The following CLIC5 variants were observed in gnomAD, a reference collection of about 807,000 sequenced individuals.
The protein encoded by CLIC5 is chloride intracellular channel protein 5.
CLIC5 carries 20 observed loss-of-function variants against 24.7 expected under a neutral mutation model. The ratio of observed to expected loss-of-function variants is 0.81; its 90% CI spans 0.57 to 1.18. The LOEUF (loss-of-function observed/expected upper bound fraction) is 1.18, where lower values mean the gene tolerates loss of function less well. Among genes scored for constraint, CLIC5 ranks in the 50% most tolerant of loss-of-function variants. The pLI is 0.00. For missense variants in CLIC5, 341 were observed against 326.1 expected, an observed-to-expected ratio of 1.05 and a Z score of -0.35; for synonymous variants, 159 against 135.6, an observed-to-expected ratio of 1.17 and a Z score of -1.20.
At chr6:46,016,398 G>A (rs968531092), upstream of CLIC5, among the ~76,000 whole-genome samples, 4 of 152,134 alleles carry the variant, frequency 2.6e-5, no homozygotes, top group Admixed American at 2.6e-4. Flanking sequence ...TAAGCAAAAG[G>A]AGAGTAGGGT....
intron 1 of CLIC5, among the ~76,000 whole-genome samples, chr6:46,043,394 C>A (rs1296819806): frequency 2.0e-5 from 3 of 152,148 alleles, no homozygotes; most frequent in Admixed American, 6.5e-5. Context: ...AGGTTAATGT[C>A]TTCATTTGCT....
At chr6:45,941,505 T>C (rs753289140) in intron 4 of CLIC5, 42 bp downstream of exon 4, 5 of 1,450,696 alleles carry the variant, frequency 3.4e-6, no homozygotes, top group Non-Finnish European at 4.8e-6. Flanking sequence ...GGGCAGCAGA[T>C]AGACCACTGC....
Position 45,957,108 on chromosome 6 carries a change from A to T in CLIC5, c.64-1864T>A, listed in dbSNP as rs141394270. Among the ~76,000 whole-genome samples, 1,069 of 152,286 alleles carry T rather than the reference A, an allele frequency of 7.0e-3. 10 individuals are homozygous for T. Among genetic ancestry groups the T allele is most frequent in the Non-Finnish European group, 9.8e-3 (668 of 68,032 alleles). On this transcript the variant is annotated intron_variant, in intron 1 of 5. Transcript: ENST00000339561. ...GTAACAAGAGGAGAACTGAAGAAAAAAGCAAAAACAAAAACAGAAGCCAGA... is the reference window on the plus strand; with the variant it reads ...GTAACAAGAGGAGAACTGAAGAAAATAGCAAAAACAAAAACAGAAGCCAGA...
At chr6:46,057,795 G>A (rs377632279) in intron 1 of CLIC5, among the ~76,000 whole-genome samples, 9 of 152,176 alleles carry the variant, frequency 5.9e-5, no homozygotes, top group African/African-American at 2.2e-4. Flanking sequence ...GTGGTGTTTA[G>A]AGCAGTTTGT....
At chr6:46,055,059 A>T (rs997881159) in intron 1 of CLIC5, among the ~76,000 whole-genome samples, 1 of 152,150 alleles carries the variant, frequency 6.6e-6, no homozygotes, top group Non-Finnish European at 1.5e-5. Flanking sequence ...TGACAATCTC[A>T]TCTTCTAAAT....
intron 1 of CLIC5, among the ~76,000 whole-genome samples, chr6:46,065,843 A>T (rs1282504348): frequency 6.6e-6 from 1 of 152,204 alleles, no homozygotes; most frequent in Admixed American, 6.5e-5. Context: ...TGATGGTTAG[A>T]TGACTGTATA....
intron 1 of CLIC5, among the ~76,000 whole-genome samples, chr6:45,969,188 A>T (rs938001954): frequency 6.6e-6 from 1 of 152,172 alleles, no homozygotes; most frequent in Admixed American, 6.5e-5. Context: ...TGCCGAGAGG[A>T]TGAAAGAGCT....
At chr6:45,994,877 G>A (rs1766073510) in intron 1 of CLIC5, among the ~76,000 whole-genome samples, 1 of 152,048 alleles carries the variant, frequency 6.6e-6, no homozygotes, top group Non-Finnish European at 1.5e-5. Context: ...TCTCTCACCA[G>A]AAAATAATTA....
chr6:46,110,466 A>C, the CLIC5 span, among the ~76,000 whole-genome samples: 1 of 152,208 alleles, frequency 6.6e-6, no homozygotes, highest in Non-Finnish European at 1.5e-5. Flanking sequence ...TTCAATAAGA[A>C]TCTGTTTTCT....
intron 2 of CLIC5, among the ~76,000 whole-genome samples, chr6:45,952,377 C>T (rs1414661456): frequency 1.3e-5 from 2 of 152,188 alleles, no homozygotes; most frequent in East Asian, 3.8e-4. Context: ...TTGCCAGCTC[C>T]ATGAACCCAG....
At chr6:45,971,599 G>A (rs965840426) in intron 1 of CLIC5, among the ~76,000 whole-genome samples, 1 of 152,176 alleles carries the variant, frequency 6.6e-6, no homozygotes, top group East Asian at 1.9e-4. Context: ...TAATGTTTAG[G>A]ATCAGCCCCT....
the CLIC5 span, among the ~76,000 whole-genome samples, chr6:46,104,180 A>T: frequency 6.6e-6 from 1 of 152,144 alleles, no homozygotes; most frequent in Admixed American, 6.5e-5. Flanking sequence ...TCCAGAAATA[A>T]TATTTTCCTA....
intron 1 of CLIC5, among the ~76,000 whole-genome samples, chr6:46,047,948 T>A (rs1193222005): frequency 6.6e-6 from 1 of 152,142 alleles, no homozygotes; most frequent in Non-Finnish European, 1.5e-5. Flanking sequence ...TCTAAAAGTC[T>A]GCAAATTTGT....
chr6:46,058,097 T>TGTGTGTGTG (rs66516959), intron 1 of CLIC5, among the ~76,000 whole-genome samples: 1 of 146,646 alleles, frequency 6.8e-6, no homozygotes, highest in Non-Finnish European at 1.6e-5. Flanking sequence ...GTGTGTGTGT[T>TGTGTGTGTG]TGTCTGGATA....
At chr6:46,065,117 T>C (rs1762404427) in intron 1 of CLIC5, among the ~76,000 whole-genome samples, 2 of 152,254 alleles carry the variant, frequency 1.3e-5, no homozygotes, top group East Asian at 1.9e-4. Flanking sequence ...AATATTTGAA[T>C]AGGTGCTTCA....
chr6:45,928,106 A>G (rs1561939857), intron 4 of CLIC5, among the ~76,000 whole-genome samples: 2 of 152,186 alleles, frequency 1.3e-5, no homozygotes, highest in Non-Finnish European at 2.9e-5. Flanking sequence ...ACGGCGCTGG[A>G]GCAGGATTTG....
At chr6:45,922,019 C>A (rs1217342415) in intron 4 of CLIC5, among the ~76,000 whole-genome samples, 1 of 152,194 alleles carries the variant, frequency 6.6e-6, no homozygotes, top group African/African-American at 2.4e-5. Context: ...GGCAGAAAGA[C>A]AAACAGCGGT....
chr6:45,954,524 T>C (rs2127385974), intron 2 of CLIC5, among the ~76,000 whole-genome samples: 1 of 152,230 alleles, frequency 6.6e-6, no homozygotes, highest in Non-Finnish European at 1.5e-5. Context: ...ACTTATGGGG[T>C]GAGCCTCGAG....
downstream of CLIC5, among the ~76,000 whole-genome samples, chr6:45,897,548 AGACCCTAG>A (rs1762410185): frequency 2.6e-5 from 4 of 152,150 alleles, no homozygotes; most frequent in South Asian, 8.3e-4. Flanking sequence ...ACCTGTCCTG[AGACCCTAG>A]CTGCCCCTCC....
Sources: allele counts gnomAD v4.1 joint callset (sites outside exome capture counted in the v4.1 genomes callset), GRCh38; gene constraint gnomAD v4.1.1; transcripts MANE v1.5; gene names NCBI Gene and HGNC (gene_info 2026-07-23, HGNC 2026-07-21).